Variants in ATP2B4 observed in about 807,000 individuals in gnomAD.
The protein encoded by ATP2B4 is ATPase plasma membrane Ca2+ transporting 4, also known as plasma membrane calcium-transporting ATPase 4.
Under a neutral mutation model 110.3 loss-of-function variants are expected in ATP2B4, and 39 were observed. The ratio of observed to expected loss-of-function variants is 0.35; its 90% CI spans 0.27 to 0.46. The LOEUF (loss-of-function observed/expected upper bound fraction) is 0.46, where lower values mean the gene tolerates loss of function less well. Ranked by LOEUF, ATP2B4 falls within the 20% of genes least tolerant of loss-of-function variation. The probability of loss-of-function intolerance (pLI) is 1.00; values close to 1 mark genes in which losing one functional copy is unlikely to be tolerated. For synonymous variants in ATP2B4, 538 were observed against 571.7 expected (o/e 0.94, Z 0.84); for missense variants, 1,135 against 1,530.9 (o/e 0.74, Z 4.32).
intron 13 of ATP2B4, 35 bp downstream of exon 13, chr1:203,712,174 T>C: frequency 1.2e-6 from 2 of 1,603,472 alleles, no homozygotes; most frequent in Non-Finnish European, 1.7e-6. Context: ...GGACCTCACC[T>C]GACAAGGAAA....
intron 1 of ATP2B4, among the ~76,000 whole-genome samples, chr1:203,639,949 G>A (rs972429739): frequency 6.6e-6 from 1 of 152,146 alleles, no homozygotes; most frequent in East Asian, 1.9e-4. Context: ...AGGCAATGTG[G>A]TATAAAGGAT....
intron 2 of ATP2B4, among the ~76,000 whole-genome samples, chr1:203,696,270 A>G (rs1180168617): frequency 2.0e-5 from 3 of 152,188 alleles, no homozygotes; most frequent in Non-Finnish European, 4.4e-5. Context: ...TGAAGAGTAG[A>G]CATTTGCCTG....
Position 203,711,051 on chromosome 1 carries a change from C to A in ATP2B4, c.1974C>A (p.Ile658=), listed in dbSNP as rs761235783. Residue 658 remains isoleucine, a synonymous_variant, in exon 12 of 21, where the codon ATC becomes ATA. Coordinates refer to ENST00000357681, the MANE Select transcript of ATP2B4 (RefSeq NM_001684.5). ...CCTCTTGGGACAATGAGAATGAGAT[C>A]CTCACCGAACTGACCTGTATCGCGG... ...TEPSWDNENE[I]LTELTCIAVV... is the part of the protein sequence containing the mutation. 5.0e-5 allele frequency: 81 copies of A among 1,613,996 alleles called. 1 individual carries two copies. In the South Asian group the frequency reaches 8.1e-4, roughly 16 times the overall value.
At chr1:203,697,217 A>G (rs1401512973) in intron 2 of ATP2B4, among the ~76,000 whole-genome samples, 1 of 152,210 alleles carries the variant, frequency 6.6e-6, no homozygotes, top group African/African-American at 2.4e-5. Context: ...GGGAATGCCC[A>G]CAAGTTATAG....
At chr1:203,678,684 A>G (rs1170250249) in intron 1 of ATP2B4, among the ~76,000 whole-genome samples, 2 of 152,188 alleles carry the variant, frequency 1.3e-5, no homozygotes, top group African/African-American at 4.8e-5. Flanking sequence ...GATTACAGGC[A>G]GGAGCCACGG....
intron 19 of ATP2B4, among the ~76,000 whole-genome samples, chr1:203,725,340 G>C (rs143295076): frequency 6.6e-6 from 1 of 151,370 alleles, no homozygotes; most frequent in African/African-American, 2.4e-5. Context: ...GTAGAGACAG[G>C]GTTTCACCAT....
At position 203,629,826 on chromosome 1, in the gene ATP2B4, C is replaced by T. The variant is rs1406139492; in HGVS notation, c.-465+2607C>T. Among the ~76,000 whole-genome samples the T allele has an allele frequency of 6.6e-6, 1 of 152,158 alleles. No individual in the cohort carries two copies. The highest frequency in any genetic ancestry group is 1.5e-5 in the Non-Finnish European group (1 of 68,022). ...AAGGTCAAGTCAAAGGAGCACAGCC[C>T]GTCTTACCCCTGGGACTCCCAGCGC... On this transcript the variant is annotated intron_variant, in intron 1 of 20. Coordinates refer to ENST00000357681, the MANE Select transcript of ATP2B4 (RefSeq NM_001684.5). This position sits in a 1 kb window ranked among gnomAD's most constrained non-coding sequence, Gnocchi z 4.6.
At chr1:203,646,127 A>G (rs1663792348) in intron 1 of ATP2B4, among the ~76,000 whole-genome samples, 1 of 152,168 alleles carries the variant, frequency 6.6e-6, no homozygotes, top group African/African-American at 2.4e-5. Flanking sequence ...CTGAGCACTT[A>G]CTATATTTCA....
intron 9 of ATP2B4, 70 bp from the exon 10 acceptor site, chr1:203,707,792 T>C: frequency 6.3e-7 from 1 of 1,576,322 alleles, no homozygotes; most frequent in South Asian, 1.1e-5. Flanking sequence ...GGCTAGGAAA[T>C]GGCCTTTGAC....
chr1:203,643,628 GATCACTTA>G (rs535556446), intron 1 of ATP2B4, among the ~76,000 whole-genome samples: 4 of 152,198 alleles, frequency 2.6e-5, no homozygotes, highest in Non-Finnish European at 5.9e-5. Flanking sequence ...GCTTCCTATA[GATCACTTA>G]AGTGCTCCAG....
intron 1 of ATP2B4, among the ~76,000 whole-genome samples, chr1:203,665,854 T>A (rs994723104): frequency 2.0e-5 from 3 of 152,162 alleles, no homozygotes; most frequent in African/African-American, 4.8e-5. Context: ...GCACAATATT[T>A]TGCTAATACA....
intron 17 of ATP2B4, 81 bp downstream of exon 17, chr1:203,721,491 T>C: frequency 7.1e-7 from 1 of 1,415,242 alleles, no homozygotes; most frequent in South Asian, 1.2e-5. Flanking sequence ...TGAGAGCAAG[T>C]GCACAGGTCA....
At chr1:203,634,783 C>T (rs910282408) in intron 1 of ATP2B4, among the ~76,000 whole-genome samples, 1 of 152,182 alleles carries the variant, frequency 6.6e-6, no homozygotes, top group African/African-American at 2.4e-5. Context: ...CCCACCTCAG[C>T]CTCCCAAGTA....
chr1:203,637,162 T>G (rs1399852570), intron 1 of ATP2B4, among the ~76,000 whole-genome samples: 2 of 152,178 alleles, frequency 1.3e-5, no homozygotes, highest in Non-Finnish European at 2.9e-5. Flanking sequence ...CTGGGTGCGG[T>G]GGCTCACGCC....
chr1:203,662,119 T>G (rs4245722), intron 1 of ATP2B4, among the ~76,000 whole-genome samples: 148,410 of 151,966 alleles, frequency 0.98, 72,592 homozygotes, highest in Middle Eastern at 1. Context: ...TGCCTCCGGG[T>G]TTCACACCAT....
chr1:203,653,854 G>A (rs1484749916), intron 1 of ATP2B4, among the ~76,000 whole-genome samples: 1 of 151,912 alleles, frequency 6.6e-6, no homozygotes, highest in Admixed American at 6.6e-5. Flanking sequence ...ACCACGCCAG[G>A]CTTCTAGGGC....
chr1:203,674,637 CTTTTTTTTTTTTTTTTTTTTTTTTT>C (rs57153257), intron 1 of ATP2B4, among the ~76,000 whole-genome samples: 1 of 46,228 alleles, frequency 2.2e-5, no homozygotes, highest in Non-Finnish European at 3.9e-5. Context: ...CCACACCTGG[CTTTTTTTTTTTTTTTTTTTTTTTTT>C]TTTTTTTTTT....
At chr1:203,632,099 G>A (rs1663286497) in intron 1 of ATP2B4, among the ~76,000 whole-genome samples, 1 of 151,764 alleles carries the variant, frequency 6.6e-6, no homozygotes, top group Non-Finnish European at 1.5e-5. Flanking sequence ...GGTTTTTAAA[G>A]GCATATTTAC....
At chr1:203,695,026 G>A (rs1200614643) in intron 2 of ATP2B4, among the ~76,000 whole-genome samples, 2 of 152,174 alleles carry the variant, frequency 1.3e-5, no homozygotes, top group African/African-American at 2.4e-5. Flanking sequence ...CCCCTCATAT[G>A]TCCCTCTTTT....
Sources: allele counts gnomAD v4.1 joint callset (sites outside exome capture counted in the v4.1 genomes callset), GRCh38; gene constraint gnomAD v4.1.1; non-coding constraint Gnocchi (gnomAD v3.1); transcripts MANE v1.5; gene names NCBI Gene and HGNC (gene_info 2026-07-23, HGNC 2026-07-21).